GCNT2: variants seen among roughly 807,000 people sequenced by gnomAD.
The protein encoded by GCNT2 is glucosaminyl (N-acetyl) transferase 2 (I blood group).
A neutral mutation model predicts 34.2 loss-of-function variants in GCNT2; 34 were observed. The observed-to-expected ratio is 1.00, with a 90% CI of 0.76 to 1.32. GCNT2 has a LOEUF of 1.32. Ranked by LOEUF, GCNT2 falls within the 40% of genes most tolerant of loss-of-function variation. The probability of loss-of-function intolerance (pLI) is 0.00; values close to 1 mark genes in which losing one functional copy is unlikely to be tolerated. For synonymous variants in GCNT2, 212 were observed against 188.0 expected (o/e 1.13, Z -1.04); for missense variants, 584 against 489.4 (o/e 1.19, Z -1.82).
intron 1 of GCNT2, among the ~76,000 whole-genome samples, chr6:10,524,127 T>G (rs1239608101): frequency 2.6e-5 from 4 of 151,834 alleles, no homozygotes; most frequent in Non-Finnish European, 5.9e-5. Flanking sequence ...AACAAACGGG[T>G]GTTGTTTTCT....
rs1764695493 is a variant in GCNT2 at position 10,592,561 on chromosome 6, A to G, written c.926-28790A>G. On this transcript the variant is annotated intron_variant, in intron 3 of 4. Coordinates refer to ENST00000495262, the MANE Select transcript of GCNT2 (RefSeq NM_145649.5). ...TTACACAGTAAATTATGCTGACGCT[A>G]TAGCCATTTGTAGAATCATTTGTGA... Among the ~76,000 whole-genome samples the G allele has an allele frequency of 2.0e-5, 3 of 152,164 alleles. 1 individual carries two copies. Among genetic ancestry groups the G allele is most frequent in the Admixed American group, 1.3e-4 (2 of 15,280 alleles).
At chr6:10,529,950 TG>T in intron 3 of GCNT2, 114 bp downstream of exon 3, 1 of 913,124 alleles carries the variant, frequency 1.1e-6, no homozygotes, top group South Asian at 1.5e-5. Context: ...CGGTTTTAAA[TG>T]TCAAATTAAA....
At chr6:10,550,690 T>C (rs763067132) in intron 3 of GCNT2, among the ~76,000 whole-genome samples, 2 of 152,024 alleles carry the variant, frequency 1.3e-5, no homozygotes, top group Non-Finnish European at 2.9e-5. Context: ...ACTATGTTGC[T>C]CAAGCTGGTC....
At chr6:10,549,567 T>C (rs13209046) in intron 3 of GCNT2, among the ~76,000 whole-genome samples, 28,158 of 113,378 alleles carry the variant, frequency 0.25, 4,037 homozygotes, top group African/African-American at 0.32. Flanking sequence ...CTCTCTCTTT[T>C]TTTTTTTTTT....
At chr6:10,582,261 CTATATATTAAATATATAAA>C (rs1286436211) in intron 3 of GCNT2, among the ~76,000 whole-genome samples, 1 of 110,016 alleles carries the variant, frequency 9.1e-6, no homozygotes, top group African/African-American at 3.8e-5. Context: ...ATAATATATA[CTATATATTAAATATATAAA>C]TATATATAAT....
rs545502981 is a variant in GCNT2 at position 10,541,845 on chromosome 6, C to G, written c.925+12009C>G. ...AGTTGAGTTGGTCTTGCTCCTAAAT[C>G]ATTGACAAGCCCCTACCCTCAGGCA... is the stretch of plus-strand genomic sequence containing the variant. On this transcript the variant is annotated intron_variant, in intron 3 of 4. Coordinates refer to ENST00000495262, the MANE Select transcript of GCNT2 (RefSeq NM_145649.5). Among the ~76,000 whole-genome samples, 4 of 152,282 alleles carry G rather than the reference C, an allele frequency of 2.6e-5. No homozygotes were observed. In the South Asian group the frequency reaches 8.3e-4, roughly 32 times the overall value.
chr6:10,573,541 C>T (rs1763648780), intron 3 of GCNT2, among the ~76,000 whole-genome samples: 1 of 152,130 alleles, frequency 6.6e-6, no homozygotes, highest in African/African-American at 2.4e-5. Context: ...CAAGCTTCTT[C>T]GATTTACTTT....
At chr6:10,567,728 C>T (rs913233132) in intron 3 of GCNT2, among the ~76,000 whole-genome samples, 1 of 152,122 alleles carries the variant, frequency 6.6e-6, no homozygotes, top group Non-Finnish European at 1.5e-5. Context: ...TGTATAGAAT[C>T]GATCTTTTCT....
intron 3 of GCNT2, among the ~76,000 whole-genome samples, chr6:10,550,107 G>A (rs148600356): frequency 1.8e-3 from 280 of 152,282 alleles, no homozygotes; most frequent in African/African-American, 6.3e-3. Context: ...AGGCTGGGGT[G>A]CAGTGGCGCA....
In GCNT2 at chr6:10,628,063, A is replaced by G. The variant is rs1766343555; in HGVS notation, c.*1456A>G. On this transcript the variant is annotated 3_prime_UTR_variant, in exon 5 of 5. Transcript: ENST00000495262. ...CCGGGGAACAATTTCTCTGGGTGAG[A>G]ATTGGGACTCTGTTGCTGGTCTTCT... 6.6e-6 allele frequency: 1 copy of G among 152,534 alleles called. No homozygotes were observed. Among genetic ancestry groups the G allele is most frequent in the South Asian group, 2.1e-4 (1 of 4,820 alleles). The allele number at this position is 152,534 out of a possible 1,614,324, so 9.4% of individuals were successfully genotyped here. A position where few individuals can be genotyped will look rare whatever the true frequency, so the allele number is the denominator to read the frequency against.
intron 3 of GCNT2, among the ~76,000 whole-genome samples, chr6:10,543,682 TGTCC>T (rs1433232207): frequency 6.6e-6 from 1 of 152,208 alleles, no homozygotes; most frequent in Non-Finnish European, 1.5e-5. Context: ...CTGATTAGCA[TGTCC>T]CTAATTAACA....
intron 3 of GCNT2, among the ~76,000 whole-genome samples, chr6:10,562,663 AAAAAAAAAAAAAAAC>A (rs1446195993): frequency 2.0e-5 from 3 of 151,030 alleles, no homozygotes; most frequent in Non-Finnish European, 4.4e-5. Context: ...TCTGAAAAAA[AAAAAAAAAAAAAAAC>A]AAAAAAAAAC....
chr6:10,553,849 G>T (rs1393743413), intron 3 of GCNT2, among the ~76,000 whole-genome samples: 1 of 152,232 alleles, frequency 6.6e-6, no homozygotes, highest in East Asian at 1.9e-4. Context: ...AGACATGATG[G>T]TGCCACTGCA....
intron 3 of GCNT2, among the ~76,000 whole-genome samples, chr6:10,600,554 C>T (rs1765049433): frequency 6.6e-6 from 1 of 152,134 alleles, no homozygotes. Flanking sequence ...CCAACCCCTA[C>T]CCCCAGTGTC....
chr6:10,605,422 C>A (rs1765266773), intron 3 of GCNT2, among the ~76,000 whole-genome samples: 1 of 150,714 alleles, frequency 6.6e-6, no homozygotes, highest in African/African-American at 2.4e-5. Flanking sequence ...GTTGCCCAGG[C>A]TGGTCTTGAA....
chr6:10,581,971 TATAC>T, intron 3 of GCNT2: 1 of 366,346 alleles, frequency 2.7e-6, no homozygotes, highest in Non-Finnish European at 3.7e-6. Flanking sequence ...AATATATATA[TATAC>T]ACACACTTAT....
In GCNT2 at chr6:10,604,597, A is replaced by C. The variant is rs1765229733; in HGVS notation, c.926-16754A>C. 5.9e-5 allele frequency among the ~76,000 whole-genome samples: 9 copies of C among 152,320 alleles called. No homozygotes were observed. The South Asian group carries it at 1.9e-3, about 32-fold the overall frequency. On this transcript the variant is annotated intron_variant, in intron 3 of 4. Transcript: ENST00000495262. Reference sequence around the variant, plus strand: ...ATCTCTGGGCCAGGTGTGCTGGCTCACGCTTGTAATTCCAGCACTTTGAGA... The same window carrying C: ...ATCTCTGGGCCAGGTGTGCTGGCTCCCGCTTGTAATTCCAGCACTTTGAGA...
intron 3 of GCNT2, among the ~76,000 whole-genome samples, chr6:10,579,834 A>AAAAC (rs1763988294): frequency 6.8e-6 from 1 of 147,672 alleles, no homozygotes; most frequent in African/African-American, 2.6e-5. Context: ...AACAAAAAAA[A>AAAAC]AAAAAAAAAA....
intron 3 of GCNT2, among the ~76,000 whole-genome samples, chr6:10,596,016 T>C (rs557552347): frequency 6.6e-6 from 1 of 152,286 alleles, no homozygotes; most frequent in East Asian, 1.9e-4. Context: ...TCAAAGAAAA[T>C]GCAAAATTCT....
Sources: allele counts gnomAD v4.1 joint callset (sites outside exome capture counted in the v4.1 genomes callset), GRCh38; gene constraint gnomAD v4.1.1; transcripts MANE v1.5; gene names NCBI Gene and HGNC (gene_info 2026-07-23, HGNC 2026-07-21).